The following PIAS1 variants were observed in gnomAD, a reference collection of about 807,000 sequenced individuals.
PIAS1 encodes the protein E3 SUMO-protein ligase PIAS1.
PIAS1 carries 6 observed loss-of-function variants against 71.3 expected under a neutral mutation model. The ratio of observed to expected loss-of-function variants is 0.08; its 90% confidence interval spans 0.05 to 0.17. The LOEUF (loss-of-function observed/expected upper bound fraction) is 0.17, where lower values mean the gene tolerates loss of function less well. PIAS1 is among the 10% of genes least tolerant of loss of function. The probability of loss-of-function intolerance (pLI) is 1.00; values close to 1 mark genes in which losing one functional copy is unlikely to be tolerated. For synonymous variants in PIAS1, 303 were observed against 292.9 expected (o/e 1.03, Z -0.35); for missense variants, 555 against 793.6 (o/e 0.70, Z 3.61).
At chr15:68,077,826 T>C (rs1473459003) in intron 1 of PIAS1, among the ~76,000 whole-genome samples, 1 of 152,232 alleles carries the variant, frequency 6.6e-6, no homozygotes, top group Non-Finnish European at 1.5e-5. Flanking sequence ...GTTACTCCTG[T>C]TACTCGGAAA....
chr15:68,134,705 GCCGGGCGGGGGCTGA>G (rs2092710740), intron 2 of PIAS1, among the ~76,000 whole-genome samples: 1 of 40,556 alleles, frequency 2.5e-5, no homozygotes, highest in Non-Finnish European at 1.0e-4. Flanking sequence ...GGGGTGGCTG[GCCGGGCGGGGGCTGA>G]CCCCCCCACC....
rs578043790 is a variant in PIAS1 at position 68,179,777 on chromosome 15, C to T, written c.1482-1435C>T. On this transcript the variant is annotated intron_variant, in intron 11 of 13. Transcript: ENST00000249636. ...TTTTTTAGTAGAGACAGGGTTTCTC[C>T]CTGTTGGTGAGGCTGGTCTCAAACT... 2.6e-5 allele frequency among the ~76,000 whole-genome samples: 4 copies of T among 151,308 alleles called. No individual in the cohort carries two copies. In the East Asian group the frequency reaches 7.8e-4, roughly 30 times the overall value.
At chr15:68,183,081 T>C (rs1010409347) in intron 12 of PIAS1, among the ~76,000 whole-genome samples, 1 of 152,220 alleles carries the variant, frequency 6.6e-6, no homozygotes, top group African/African-American at 2.4e-5. Context: ...CTCCTTCTTA[T>C]GTAATAGTAG....
intron 2 of PIAS1, among the ~76,000 whole-genome samples, chr15:68,091,589 A>G (rs2092332919): frequency 6.6e-6 from 1 of 152,210 alleles, no homozygotes; most frequent in Non-Finnish European, 1.5e-5. Context: ...GCCAACATGT[A>G]TAGAACAGAG....
intron 1 of PIAS1, among the ~76,000 whole-genome samples, chr15:68,068,601 T>A (rs940721695): frequency 6.6e-6 from 1 of 151,740 alleles, no homozygotes; most frequent in Non-Finnish European, 1.5e-5. Context: ...TACGGGTGTC[T>A]GCCACCATGC....
intron 1 of PIAS1, among the ~76,000 whole-genome samples, chr15:68,058,706 G>A (rs1183640468): frequency 6.6e-6 from 1 of 152,158 alleles, no homozygotes; most frequent in Non-Finnish European, 1.5e-5. Flanking sequence ...ATTTTTGTAA[G>A]TATCATTTTG....
intron 12 of PIAS1, among the ~76,000 whole-genome samples, chr15:68,182,887 TGTA>T (rs2141103785): frequency 6.6e-6 from 1 of 152,338 alleles, no homozygotes; most frequent in South Asian, 2.1e-4. Context: ...TCTGTGGTGT[TGTA>T]ATATATTTAT....
intron 6 of PIAS1, 128 bp downstream of exon 6, chr15:68,146,828 A>AT: frequency 1.3e-6 from 1 of 746,750 alleles, no homozygotes; most frequent in South Asian, 2.1e-5. Flanking sequence ...CTCACAATGA[A>AT]TTTTCAACAT....
chr15:68,087,254 GCATGCA>G (rs571363705), intron 2 of PIAS1, among the ~76,000 whole-genome samples: 171 of 152,026 alleles, frequency 1.1e-3, no homozygotes, highest in Admixed American at 2.8e-3. Flanking sequence ...TGCTTTACAG[GCATGCA>G]CATGCACATG....
At position 68,164,082 on chromosome 15, in the gene PIAS1, GACTTA is replaced by G. The variant is rs528955970; in HGVS notation, c.935-647_935-643del. On this transcript the variant is annotated intron_variant, in intron 7 of 13. Coordinates refer to ENST00000249636, the MANE Select transcript of PIAS1 (RefSeq NM_016166.3). ...AACCATAAGAAGTTTGAAGTGAAAA[GACTTA>G]AAGATTATCTAGTGTGGGTTCCAAT... Among the ~76,000 whole-genome samples, 34 of 152,092 alleles carry G rather than the reference GACTTA, an allele frequency of 2.2e-4. No homozygotes were observed. In the East Asian group the frequency reaches 6.6e-3, roughly 29 times the overall value.
intron 2 of PIAS1, among the ~76,000 whole-genome samples, chr15:68,107,135 TTTC>T (rs1427705634): frequency 2.6e-5 from 4 of 152,202 alleles, no homozygotes; most frequent in Non-Finnish European, 4.4e-5. Context: ...ATTCATAATA[TTTC>T]TTCTTCTGAA....
chr15:68,061,165 C>T (rs755077965), intron 1 of PIAS1, among the ~76,000 whole-genome samples: 2 of 152,164 alleles, frequency 1.3e-5, no homozygotes, highest in African/African-American at 2.4e-5. Flanking sequence ...TTGATTCGTT[C>T]GACTTTGGTC....
In PIAS1 at chr15:68,186,614, C is replaced by G. The variant is rs1395992280; in HGVS notation, c.1663-928C>G. Reference sequence around the variant, plus strand: ...AATAATGTCCTAAGCCTCACATTCACTCACCATTCACTCACTGGCTCACCC... The same window carrying G: ...AATAATGTCCTAAGCCTCACATTCAGTCACCATTCACTCACTGGCTCACCC... On this transcript the variant is annotated intron_variant, in intron 13 of 13. Coordinates refer to ENST00000249636, the MANE Select transcript of PIAS1 (RefSeq NM_016166.3). The surrounding 1 kb of genome is among the most constrained non-coding windows in gnomAD (Gnocchi z 4.4). Among the ~76,000 whole-genome samples, 5 of 152,244 alleles carry G rather than the reference C, an allele frequency of 3.3e-5. No homozygotes were observed. Among genetic ancestry groups the G allele is most frequent in the Admixed American group, 3.3e-4 (5 of 15,286 alleles).
At position 68,179,564 on chromosome 15, in the gene PIAS1, C is replaced by CTTTTTTTTTTTTTTTTTTTTTTTTTT. The variant is rs766344324; in HGVS notation, c.1482-1645_1482-1620dup. On this transcript the variant is annotated intron_variant, in intron 11 of 13. Coordinates refer to ENST00000249636, the MANE Select transcript of PIAS1 (RefSeq NM_016166.3). Reference sequence around the variant, plus strand: ...CAACCTTGTCATCTCGTGAAATGTTCTTTTTTTTTTTTTTTTTTTTTTTTT... The same window carrying CTTTTTTTTTTTTTTTTTTTTTTTTTT: ...CAACCTTGTCATCTCGTGAAATGTTCTTTTTTTTTTTTTTTTTTTTTTTTTTTTTTTTTTTTTTTTTTTTTTTTTTT... 1.0e-3 allele frequency among the ~76,000 whole-genome samples: 40 copies of CTTTTTTTTTTTTTTTTTTTTTTTTTT among 40,102 alleles called. 11 individuals are homozygous for CTTTTTTTTTTTTTTTTTTTTTTTTTT. The highest frequency in any genetic ancestry group is 1.4e-3 in the Admixed American group (4 of 2,920). 26.3% of individuals were successfully genotyped at this position (40,102 alleles called of 152,430 possible).
intron 1 of PIAS1, among the ~76,000 whole-genome samples, chr15:68,077,189 C>T (rs1373026724): frequency 6.6e-6 from 1 of 152,152 alleles, no homozygotes; most frequent in Non-Finnish European, 1.5e-5. Context: ...ATAACACATA[C>T]CATACATCCC....
chr15:68,088,609 A>G (rs2092307301), intron 2 of PIAS1, among the ~76,000 whole-genome samples: 2 of 152,168 alleles, frequency 1.3e-5, no homozygotes, highest in Admixed American at 6.5e-5. Context: ...TTTAATATGC[A>G]TAAAAAGATC....
chr15:68,082,284 G>A (rs1013858835), intron 1 of PIAS1, among the ~76,000 whole-genome samples: 1 of 152,066 alleles, frequency 6.6e-6, no homozygotes, highest in Non-Finnish European at 1.5e-5. Flanking sequence ...AAGGAAACGG[G>A]ATCCAGTATA....
rs1472930974 is a variant in PIAS1, at chr15:68,123,612, A to G, written c.470-18334A>G. On this transcript the variant is annotated intron_variant, in intron 2 of 13. Coordinates refer to ENST00000249636, the MANE Select transcript of PIAS1 (RefSeq NM_016166.3). ...CTTTCCATGGAATACCATGGAGACT[A>G]TTTTTCCTTATGTTAAATAACATGG... Among the ~76,000 whole-genome samples the G allele has an allele frequency of 2.6e-5, 4 of 152,198 alleles. No individual in the cohort carries two copies. The East Asian group carries it at 7.7e-4, about 29-fold the overall frequency.
chr15:68,117,445 C>A lies in PIAS1; in HGVS notation c.470-24501C>A, dbSNP rs1006816021. On this transcript the variant is annotated intron_variant, in intron 2 of 13. Coordinates refer to ENST00000249636, the MANE Select transcript of PIAS1 (RefSeq NM_016166.3). ...TGTTAACTCTAGTTATGCTACCATG[C>A]GTTAGAACACGAGAATTTATCTATC... Among the ~76,000 whole-genome samples the A allele has an allele frequency of 5.3e-5, 8 of 152,282 alleles. No homozygotes were observed. The South Asian group carries it at 1.2e-3, about 24-fold the overall frequency.
Sources: gnomAD v4.1 joint callset for allele counts (sites outside exome capture counted in the v4.1 genomes callset) on GRCh38, gnomAD v4.1.1 for gene constraint, Gnocchi (gnomAD v3.1) non-coding constraint, MANE v1.5 for transcripts, NCBI Gene and HGNC (gene_info 2026-07-23, HGNC 2026-07-21) for gene names.